The following EXOSC8 variants were observed in gnomAD, a reference collection of about 807,000 sequenced individuals.
The protein encoded by EXOSC8 is exosome component 8.
EXOSC8 carries 37 observed loss-of-function variants against 39.9 expected under a neutral mutation model. That is an observed-to-expected ratio of 0.93 (90% CI 0.71 to 1.22). The LOEUF (loss-of-function observed/expected upper bound fraction) is 1.22. EXOSC8 is among the 50% of genes most tolerant of loss of function. The pLI is 0.00. For missense variants in EXOSC8, 313 were observed against 326.6 expected, an observed-to-expected ratio of 0.96 and a Z score of 0.32; for synonymous variants, 93 against 109.5, an observed-to-expected ratio of 0.85 and a Z score of 0.94.
rs1202418151 is a variant in EXOSC8 at position 37,009,361 on chromosome 13, CG to C, written c.*63del. The C allele has an allele frequency of 2.2e-6, 2 of 902,042 alleles. No homozygotes were observed. The highest frequency in any genetic ancestry group is 3.5e-6 in the Non-Finnish European group (2 of 569,330). The allele number at this position is 902,042 out of a possible 1,614,324, so 55.9% of individuals were successfully genotyped here. The stretch of plus-strand genomic sequence containing the variant: ...TGTATTTGTTAACACTGTGCACAAA[CG>C]TTTTATACTAAATAAATATCAAACT... On this transcript the variant is annotated 3_prime_UTR_variant, in exon 11 of 11. Transcript: ENST00000389704.
At chr13:37,007,796 C>T (rs1302469053) in intron 8 of EXOSC8, among the ~76,000 whole-genome samples, 2 of 151,592 alleles carry the variant, frequency 1.3e-5, no homozygotes, top group East Asian at 3.9e-4. Context: ...AAAACAGTAC[C>T]TGGCAGATAT....
rs376382071 is a variant in EXOSC8 at position 37,007,137 on chromosome 13, T to G, written c.487+66T>G. 10 of 992,960 alleles carry G rather than the reference T, an allele frequency of 1.0e-5. No homozygotes were observed. The Admixed American group carries it at 1.4e-4, about 14-fold the overall frequency. The allele number at this position is 992,960 out of a possible 1,614,324, so 61.5% of individuals were successfully genotyped here. On this transcript the variant is annotated intron_variant, in intron 8 of 10. Transcript: ENST00000389704. ...GTTAGAATGTTGTTTTGTGAAACTT[T>G]TAATGTACATTTGCTTTCGTATGCT...
At chr13:37,006,728 T>C (rs1431439005) in intron 7 of EXOSC8, among the ~76,000 whole-genome samples, 2 of 152,332 alleles carry the variant, frequency 1.3e-5, no homozygotes, top group Non-Finnish European at 2.9e-5. Context: ...GTAGCTCCAT[T>C]AAGGGAAATG....
At position 37,002,522 on chromosome 13, in the gene EXOSC8, G is replaced by C. The variant is rs1266703941; in HGVS notation, c.89G>C (p.Gly30Ala). Residue 30 changes from glycine to alanine, a missense_variant, in exon 3 of 11, where the codon GGT becomes GCT. Physicochemically the swap from Gly to Ala is moderately conservative, Grantham distance 60. Coordinates refer to ENST00000389704, the MANE Select transcript of EXOSC8 (RefSeq NM_181503.3). Reference sequence around the variant, plus strand: ...TGCCGTCCTGATGGAAGAGAACTTGGTGAATTCAGAACCACAACTGTCAAC... The same window carrying C: ...TGCCGTCCTGATGGAAGAGAACTTGCTGAATTCAGAACCACAACTGTCAAC... ...ENCRPDGREL[G>A]EFRTTTVNIG... The C allele has an allele frequency of 6.3e-7, 1 of 1,593,254 alleles. No individual in the cohort carries two copies. The highest frequency in any genetic ancestry group is 1.7e-5 in the Admixed American group (1 of 58,260).
chr13:37,005,664 G>A (rs2059133417), intron 5 of EXOSC8, among the ~76,000 whole-genome samples: 1 of 151,786 alleles, frequency 6.6e-6, no homozygotes, highest in Non-Finnish European at 1.5e-5. Flanking sequence ...TCAGGCGATC[G>A]AGACCATCTT....
intron 10 of EXOSC8, 23 bp from the exon 11 acceptor site, chr13:37,009,161 G>A (rs766477782): frequency 9.5e-5 from 138 of 1,451,678 alleles, no homozygotes; most frequent in Admixed American, 7.7e-4. Flanking sequence ...GAGATTAAAA[G>A]TATTGGCAAA....
Position 37,006,145 on chromosome 13 carries a change from C to T in EXOSC8, c.375C>T (p.Cys125=). 1 of 1,608,814 alleles carries T rather than the reference C, an allele frequency of 6.2e-7. No homozygotes were observed. ...AGATAATTCAGAAAGAGGACTTATG[C>T]ATTTCTCCAGGAAAGGTAAGAGGAA... ...NSQIIQKEDL[C]ISPGKLVWVL... Residue 125 remains cysteine (C), a synonymous_variant, in exon 7 of 11, where the codon TGC becomes TGT. Transcript: ENST00000389704.
At chr13:37,000,844 G>T (rs202095793) in intron 1 of EXOSC8, 22 bp downstream of exon 1, 4 of 1,555,954 alleles carry the variant, frequency 2.6e-6, no homozygotes, top group Non-Finnish European at 3.5e-6. Context: ...CGGGTGGCGG[G>T]TAGAGTTCTG....
chr13:37,003,122 A>G, intron 4 of EXOSC8, 115 bp downstream of exon 4: 1 of 658,856 alleles, frequency 1.5e-6, no homozygotes, highest in East Asian at 2.8e-5. Context: ...TCAATTTTTA[A>G]TGTTTAATTT....
rs138423344 is a variant in EXOSC8, at chr13:37,002,546, A to G, written c.113A>G (p.Asn38Ser). 2 of 1,588,078 alleles carry G rather than the reference A, an allele frequency of 1.3e-6. No homozygotes were observed. Among genetic ancestry groups the G allele is most frequent in the African/African-American group, 1.3e-5 (1 of 74,120 alleles). Residue 38 changes from asparagine to serine, a missense_variant, in exon 3 of 11, where the codon AAC (asparagine) becomes AGC (serine). Asn to Ser is a conservative substitution (Grantham distance 46). Transcript: ENST00000389704. ...GGTGAATTCAGAACCACAACTGTCA[A>G]CATCGGTAAGGATGTATTTTCCACT... ...ELGEFRTTTV[N>S]IGSISTADGS...
chr13:37,001,464 C>T (rs1566073152), intron 1 of EXOSC8: 1 of 152,128 alleles, frequency 6.6e-6, no homozygotes, highest in Non-Finnish European at 1.5e-5. Context: ...TTCTCCCTCT[C>T]CCGTAATTTA....
intron 9 of EXOSC8, 33 bp downstream of exon 9, chr13:37,008,210 ATATT>A: frequency 6.5e-7 from 1 of 1,546,618 alleles, no homozygotes; most frequent in Non-Finnish European, 8.8e-7. Flanking sequence ...AAAATTTTCT[ATATT>A]TAAGATTAGG....
Position 37,009,381 on chromosome 13 carries a change from T to C in EXOSC8, c.*82T>C, listed in dbSNP as rs990684783. Reference sequence around the variant, plus strand: ...ACAAACGTTTTATACTAAATAAATATCAAACTACATTCTTCTGAAAGATGT... The same window carrying C: ...ACAAACGTTTTATACTAAATAAATACCAAACTACATTCTTCTGAAAGATGT... On this transcript the variant is annotated 3_prime_UTR_variant, in exon 11 of 11. Coordinates refer to ENST00000389704, the MANE Select transcript of EXOSC8 (RefSeq NM_181503.3). 9 of 791,280 alleles carry C rather than the reference T, an allele frequency of 1.1e-5. No homozygotes were observed. The African/African-American group carries it at 1.2e-4, about 11-fold the overall frequency. The allele number at this position is 791,280 out of a possible 1,614,324, so 49.0% of individuals were successfully genotyped here.
chr13:37,002,905 T>A (rs377141803), intron 3 of EXOSC8, 29 bp from the exon 4 acceptor site: 2 of 1,514,086 alleles, frequency 1.3e-6, no homozygotes, highest in Non-Finnish European at 1.8e-6. Context: ...TTTCCTTTTA[T>A]GAACCTTTCA....
Position 37,009,074 on chromosome 13 carries a change from C to T in EXOSC8, c.716-110C>T. 3 of 756,548 alleles carry T rather than the reference C, an allele frequency of 4.0e-6. No individual in the cohort carries two copies. In the South Asian group the frequency reaches 5.1e-5, roughly 13 times the overall value. The allele number at this position is 756,548 out of a possible 1,614,324, so 46.9% of individuals were successfully genotyped here. ...CTAACTTGTAGATCTTGAGACTGTA[C>T]CCTGATTTACATTATCCAATTTTTT... On this transcript the variant is annotated intron_variant, in intron 10 of 10. Coordinates refer to ENST00000389704, the MANE Select transcript of EXOSC8 (RefSeq NM_181503.3).
chr13:37,008,417 T>A (rs1294534545), intron 9 of EXOSC8, among the ~76,000 whole-genome samples: 1 of 152,250 alleles, frequency 6.6e-6, no homozygotes, highest in Non-Finnish European at 1.5e-5. Context: ...AAGATTTATC[T>A]GAAGCTATCT....
Position 37,000,822 on chromosome 13 carries a change from A to C in EXOSC8, c.17A>C (p.Lys6Thr). The change falls in exon 1 of 11, where the codon AAA becomes ACA. Residue 6 changes from lysine to threonine, a missense_variant and splice_region_variant. Physicochemically the swap from Lys to Thr is moderately conservative, Grantham distance 78. Transcript: ENST00000389704. The stretch of plus-strand genomic sequence containing the variant: ...GGCGGGAAGATGGCGGCTGGGTTCA[A>C]GTGAGTGTTGGCGGGTGGCGGGTAG... Reference protein sequence around the residue: MAAGFKTVEPLEYYRR... With the variant: MAAGFTTVEPLEYYRR... 1 of 1,579,846 alleles carries C rather than the reference A, an allele frequency of 6.3e-7. No homozygotes were observed. The highest frequency in any genetic ancestry group is 8.6e-7 in the Non-Finnish European group (1 of 1,163,286).
intron 5 of EXOSC8, 130 bp downstream of exon 5, chr13:37,004,691 A>G: frequency 1.7e-6 from 1 of 598,138 alleles, no homozygotes; most frequent in Non-Finnish European, 2.9e-6. Context: ...GAATAAAACA[A>G]ATTCCTCAAA....
chr13:37,008,293 G>C lies in EXOSC8; in HGVS notation c.608+116G>C. 4 of 826,350 alleles carry C rather than the reference G, an allele frequency of 4.8e-6. No individual in the cohort carries two copies. In the South Asian group the frequency reaches 6.1e-5, roughly 13 times the overall value. 51.2% of individuals were successfully genotyped at this position (826,350 alleles called of 1,614,324 possible). ...TGACCCTACATCCTAGTTTTCCCTG[G>C]ACACTTGAGTTTCTACTTGTCCCTG... On this transcript the variant is annotated intron_variant, in intron 9 of 10. Coordinates refer to ENST00000389704, the MANE Select transcript of EXOSC8 (RefSeq NM_181503.3).
Sources: allele counts gnomAD v4.1 joint callset (sites outside exome capture counted in the v4.1 genomes callset), GRCh38; gene constraint gnomAD v4.1.1; transcripts MANE v1.5; gene names NCBI Gene and HGNC (gene_info 2026-07-23, HGNC 2026-07-21).